The following SPATA16 variants were observed in gnomAD, a reference collection of about 807,000 sequenced individuals.
SPATA16 encodes the protein spermatogenesis associated 16, also known as spermatogenesis-associated protein 16.
A neutral mutation model predicts 63.3 loss-of-function variants in SPATA16; 36 were observed. The ratio of observed to expected loss-of-function variants is 0.57; its 90% CI spans 0.44 to 0.75. SPATA16 has a LOEUF of 0.75. Among genes scored for constraint, SPATA16 ranks in the 30% least tolerant of loss-of-function variants. SPATA16 has a pLI of 0.00. For synonymous variants in SPATA16, 203 were observed against 216.7 expected, an observed-to-expected ratio of 0.94 and a Z score of 0.56; for missense variants, 646 against 679.3, an observed-to-expected ratio of 0.95 and a Z score of 0.54.
rs936386700 is a variant in SPATA16, at chr3:172,889,451, C to T, written c.*119G>A. On this transcript the variant is annotated 3_prime_UTR_variant, in exon 11 of 11. Coordinates refer to ENST00000351008, the MANE Select transcript of SPATA16 (RefSeq NM_031955.6). The stretch of plus-strand genomic sequence containing the variant: ...AAAGATGAACTGAGGGGAATACCAC[C>T]TCTTTCTTTTGGTGACAAGCTTTTG... The T allele has an allele frequency of 1.4e-6, 2 of 1,431,460 alleles. No homozygotes were observed. The highest frequency in any genetic ancestry group is 1.4e-5 in the African/African-American group (1 of 71,038). The allele number at this position is 1,431,460 out of a possible 1,614,324, so 88.7% of individuals were successfully genotyped here. A position where few individuals can be genotyped will look rare whatever the true frequency, so the allele number is the denominator to read the frequency against.
chr3:173,027,751 C>T (rs1735483036), intron 3 of SPATA16, among the ~76,000 whole-genome samples: 1 of 151,768 alleles, frequency 6.6e-6, no homozygotes. Context: ...TTTATCTCTT[C>T]CCCAAAGCAG....
intron 4 of SPATA16, among the ~76,000 whole-genome samples, chr3:172,993,511 A>G (rs1265073337): frequency 6.6e-6 from 1 of 152,072 alleles, no homozygotes; most frequent in East Asian, 1.9e-4. Flanking sequence ...TGAAAGACGG[A>G]ATGATGATGA....
intron 5 of SPATA16, among the ~76,000 whole-genome samples, chr3:172,957,704 TAACA>T (rs1460822533): frequency 6.6e-6 from 1 of 152,166 alleles, no homozygotes; most frequent in African/African-American, 2.4e-5. Context: ...ACTAAGGTAC[TAACA>T]AACAATACGG....
Position 173,119,792 on chromosome 3 carries a change from C to T in SPATA16, c.-18-2043G>A, listed in dbSNP as rs143605220. The stretch of plus-strand genomic sequence containing the variant: ...TCTCTTACAAATGTTGCTGGCCAGG[C>T]GCGATGGCTCACGCCTGTAAATGTT... On this transcript the variant is annotated intron_variant, in intron 1 of 10. Coordinates refer to ENST00000351008, the MANE Select transcript of SPATA16 (RefSeq NM_031955.6). Among the ~76,000 whole-genome samples the T allele has an allele frequency of 5.5e-4, 83 of 152,072 alleles. 1 individual carries two copies. In the East Asian group the frequency reaches 0.014, roughly 26 times the overall value.
chr3:173,109,193 G>A (rs1050649004), intron 2 of SPATA16, among the ~76,000 whole-genome samples: 1 of 151,734 alleles, frequency 6.6e-6, no homozygotes, highest in Non-Finnish European at 1.5e-5. Context: ...CCTACCTCCC[G>A]ACCCTCATTT....
rs181241233 is a variant in SPATA16 at position 172,965,664 on chromosome 3, G to A, written c.934-8840C>T. Among the ~76,000 whole-genome samples the A allele has an allele frequency of 1.5e-4, 22 of 151,302 alleles. No homozygotes were observed. In the East Asian group the frequency reaches 3.5e-3, roughly 24 times the overall value. ...TATTTTTTTTTTGAGATGGAGTCTC[G>A]CTCTGTCACCAGGCTGGAGTGCAAT... On this transcript the variant is annotated intron_variant, in intron 5 of 10. Coordinates refer to ENST00000351008, the MANE Select transcript of SPATA16 (RefSeq NM_031955.6).
chr3:173,015,118 C>T lies in SPATA16; in HGVS notation c.848+4368G>A, dbSNP rs532052978. 2.3e-4 allele frequency among the ~76,000 whole-genome samples: 34 copies of T among 149,206 alleles called. 1 individual carries two copies. In the East Asian group the frequency reaches 6.7e-3, roughly 29 times the overall value. ...CACTCTCATCGCCCAGGCTGGACTG[C>T]AATGGCACGATCTCCACTCACCGCA... On this transcript the variant is annotated intron_variant, in intron 4 of 10. Transcript: ENST00000351008.
At chr3:172,930,954 C>T (rs999382900) in intron 6 of SPATA16, among the ~76,000 whole-genome samples, 3 of 152,026 alleles carry the variant, frequency 2.0e-5, no homozygotes, top group Non-Finnish European at 4.4e-5. Context: ...TCCTGAGTTG[C>T]TGGGATTACA....
At chr3:173,130,195 A>G (rs963765547) in intron 1 of SPATA16, among the ~76,000 whole-genome samples, 1 of 151,870 alleles carries the variant, frequency 6.6e-6, no homozygotes, top group East Asian at 1.9e-4. Flanking sequence ...CCCCATCTCT[A>G]CTAAAAATAC....
At chr3:173,074,533 C>G (rs887937529) in intron 2 of SPATA16, among the ~76,000 whole-genome samples, 1 of 152,112 alleles carries the variant, frequency 6.6e-6, no homozygotes, top group African/African-American at 2.4e-5. Flanking sequence ...TGTCTGCCAC[C>G]ATGTAAGACG....
intron 5 of SPATA16, among the ~76,000 whole-genome samples, chr3:172,958,512 A>G (rs571942395): frequency 4.6e-5 from 7 of 152,280 alleles, no homozygotes; most frequent in African/African-American, 1.7e-4. Flanking sequence ...CAAGGAGGAA[A>G]GCTGCTTTAG....
intron 1 of SPATA16, among the ~76,000 whole-genome samples, chr3:173,133,372 C>T (rs547074209): frequency 5.9e-5 from 9 of 152,320 alleles, no homozygotes; most frequent in African/African-American, 2.2e-4. Context: ...GGGGTCTAGG[C>T]AGCCTTTACC....
At position 173,075,530 on chromosome 3, in the gene SPATA16, C is replaced by T. The variant is rs138627646; in HGVS notation, c.613-26436G>A. Among the ~76,000 whole-genome samples the T allele has an allele frequency of 6.2e-3, 945 of 152,252 alleles. 9 individuals carry two copies. Among genetic ancestry groups the T allele is most frequent in the African/African-American group, 0.022 (899 of 41,550 alleles). Reference sequence around the variant, plus strand: ...CCAAGATATGGAATCAATCTAAGTTCTATCAATGGATTAATGGATAAAGAA... The same window carrying T: ...CCAAGATATGGAATCAATCTAAGTTTTATCAATGGATTAATGGATAAAGAA... On this transcript the variant is annotated intron_variant, in intron 2 of 10. Transcript: ENST00000351008.
At chr3:172,928,280 C>A (rs920583991) in intron 6 of SPATA16, among the ~76,000 whole-genome samples, 1 of 152,122 alleles carries the variant, frequency 6.6e-6, no homozygotes, top group African/African-American at 2.4e-5. Context: ...TTTTTATAAA[C>A]AAGGTAAAAA....
chr3:172,961,113 C>CCTTCCTTCCTTA, intron 5 of SPATA16, among the ~76,000 whole-genome samples: 1 of 145,516 alleles, frequency 6.9e-6, no homozygotes, highest in African/African-American at 2.6e-5. Flanking sequence ...TTCCTTCCTT[C>CCTTCCTTCCTTA]CTTCCTTCCT....
At chr3:172,970,637 A>G (rs1322106614) in intron 5 of SPATA16, among the ~76,000 whole-genome samples, 1 of 152,202 alleles carries the variant, frequency 6.6e-6, no homozygotes. Context: ...GACATTCCTC[A>G]TGCAAATAAT....
At chr3:173,133,235 G>C (rs77695983) in intron 1 of SPATA16, among the ~76,000 whole-genome samples, 173 of 152,242 alleles carry the variant, frequency 1.1e-3, no homozygotes, top group African/African-American at 3.9e-3. Flanking sequence ...TATTTTTCCA[G>C]CTGGTTGAAA....
chr3:173,138,414 C>T (rs902011445), intron 1 of SPATA16, among the ~76,000 whole-genome samples: 1 of 152,128 alleles, frequency 6.6e-6, no homozygotes, highest in Non-Finnish European at 1.5e-5. Flanking sequence ...ATTTTCAACT[C>T]TATATTTTCA....
intron 10 of SPATA16, among the ~76,000 whole-genome samples, chr3:172,908,103 C>T (rs188892422): frequency 1.3e-5 from 2 of 152,240 alleles, no homozygotes; most frequent in African/African-American, 4.8e-5. Context: ...GCTGTTTCTC[C>T]AGTGTCTAGA....
Sources: allele counts gnomAD v4.1 joint callset (sites outside exome capture counted in the v4.1 genomes callset), GRCh38; gene constraint gnomAD v4.1.1; transcripts MANE v1.5; gene names NCBI Gene and HGNC (gene_info 2026-07-23, HGNC 2026-07-21).